WDR64: variants seen among roughly 807,000 people sequenced by gnomAD.
The protein encoded by WDR64 is WD repeat domain 64.
Under a neutral mutation model 139.3 loss-of-function variants are expected in WDR64, and 112 were observed. The ratio of observed to expected loss-of-function variants is 0.80; its 90% confidence interval spans 0.69 to 0.94. WDR64 has a LOEUF of 0.94. Ranked by LOEUF, WDR64 falls within the 40% of genes least tolerant of loss-of-function variation. The probability of loss-of-function intolerance (pLI) is 0.00; values close to 1 mark genes in which losing one functional copy is unlikely to be tolerated. For synonymous variants in WDR64, 444 were observed against 437.7 expected, an observed-to-expected ratio of 1.01 and a Z score of -0.18; for missense variants, 1,206 against 1,293.1, an observed-to-expected ratio of 0.93 and a Z score of 1.03.
Position 241,748,915 on chromosome 1 carries a change from G to A in WDR64, c.1595-632G>A, listed in dbSNP as rs182961858. Among the ~76,000 whole-genome samples the A allele has an allele frequency of 6.4e-3, 967 of 151,070 alleles. 6 individuals carry two copies. The highest frequency in any genetic ancestry group is 9.6e-3 in the Non-Finnish European group (648 of 67,776). The stretch of plus-strand genomic sequence containing the variant: ...AGATCGCCACTGCACTCCAGCCTGG[G>A]TGACAGAGTGAGACTCTTGTCTTAA... On this transcript the variant is annotated intron_variant, in intron 13 of 27. Coordinates refer to ENST00000437684, the MANE Select transcript of WDR64 (RefSeq NM_001367482.1).
At chr1:241,681,526 A>T (rs150728856) in intron 6 of WDR64, among the ~76,000 whole-genome samples, 1 of 152,108 alleles carries the variant, frequency 6.6e-6, no homozygotes, top group East Asian at 1.9e-4. Context: ...TCATTGATTG[A>T]TGGGCATTTG....
chr1:241,697,087 A>C (rs1384005542), intron 8 of WDR64, among the ~76,000 whole-genome samples: 8 of 152,066 alleles, frequency 5.3e-5, no homozygotes, highest in Non-Finnish European at 8.8e-5. Context: ...CTTACACCCT[A>C]TCTGCTCACT....
At position 241,660,647 on chromosome 1, in the gene WDR64, C is replaced by A. The variant is rs1479254698; in HGVS notation, c.263C>A (p.Ala88Glu). The A allele has an allele frequency of 2.1e-5, 33 of 1,551,300 alleles. No homozygotes were observed. The highest frequency in any genetic ancestry group is 2.8e-5 in the Non-Finnish European group (32 of 1,146,758). ...CTGTGCAACAACACGGATGCATCTG[C>A]AGACTGGTGTGAGGTAGACTCATTT... ...RKLCNNTDAS[A>E]DWCEIFGYFS... The change falls in exon 2 of 28, where the codon GCA (alanine) becomes GAA (glutamate). Residue 88 changes from alanine to glutamate, a missense_variant. Transcript: ENST00000437684.
intron 6 of WDR64, among the ~76,000 whole-genome samples, chr1:241,680,585 T>A (rs1243283240): frequency 6.6e-6 from 1 of 152,162 alleles, no homozygotes; most frequent in Non-Finnish European, 1.5e-5. Context: ...TCACTCTCCG[T>A]CAACTCTTCT....
intron 24 of WDR64, among the ~76,000 whole-genome samples, chr1:241,789,958 G>A (rs1659164679): frequency 6.6e-6 from 1 of 152,120 alleles, no homozygotes; most frequent in South Asian, 2.1e-4. Context: ...AAGCCTCCTT[G>A]AATCATATGG....
At chr1:241,691,805 G>A (rs1574012633) in intron 8 of WDR64, among the ~76,000 whole-genome samples, 1 of 152,134 alleles carries the variant, frequency 6.6e-6, no homozygotes, top group East Asian at 1.9e-4. Flanking sequence ...CCTGTGCTCA[G>A]GAGTTCAAGA....
At chr1:241,684,239 C>T (rs1245036154) in intron 7 of WDR64, among the ~76,000 whole-genome samples, 1 of 152,062 alleles carries the variant, frequency 6.6e-6, no homozygotes, top group East Asian at 1.9e-4. Flanking sequence ...ATATTTTTAA[C>T]AGGTCTTAGA....
At chr1:241,687,648 C>G in intron 8 of WDR64, 53 bp downstream of exon 8, 1 of 1,525,776 alleles carries the variant, frequency 6.6e-7, no homozygotes, top group Non-Finnish European at 8.9e-7. Flanking sequence ...AAGCTTTTTA[C>G]AATGATAAAA....
At chr1:241,789,376 G>A (rs996225417) in intron 24 of WDR64, among the ~76,000 whole-genome samples, 1 of 152,074 alleles carries the variant, frequency 6.6e-6, no homozygotes, top group African/African-American at 2.4e-5. Flanking sequence ...CTCATTACTT[G>A]GTATGTATCC....
intron 13 of WDR64, among the ~76,000 whole-genome samples, chr1:241,747,483 T>C (rs6429301): frequency 0.43 from 65,820 of 152,064 alleles, 15,133 homozygotes; most frequent in African/African-American, 0.59. Flanking sequence ...AAGTTCAAAA[T>C]AATGTAGAAA....
chr1:241,660,376 A>G (rs1006927019), intron 1 of WDR64, among the ~76,000 whole-genome samples, 154 bp from the exon 2 acceptor site: 3 of 152,176 alleles, frequency 2.0e-5, no homozygotes, highest in Non-Finnish European at 2.9e-5. Context: ...TTTGCTTAGG[A>G]TTGTGCAAAG....
chr1:241,749,529 T>C lies in WDR64; in HGVS notation c.1595-18T>C. ...TAAGTCATTTTTACCCACATAGTCT[T>C]TTTCTCTGTATGCTCAGGAACAGTC... On this transcript the variant is annotated intron_variant, in intron 13 of 27. Coordinates refer to ENST00000437684, the MANE Select transcript of WDR64 (RefSeq NM_001367482.1). 1 of 1,609,018 alleles carries C rather than the reference T, an allele frequency of 6.2e-7. No individual in the cohort carries two copies. Among genetic ancestry groups the C allele is most frequent in the Non-Finnish European group, 8.5e-7 (1 of 1,177,346 alleles).
chr1:241,801,025 T>C, intron 27 of WDR64, 107 bp from the exon 28 acceptor site: 2 of 818,228 alleles, frequency 2.4e-6, no homozygotes, highest in Non-Finnish European at 4.0e-6. Flanking sequence ...ATTTTTTTTC[T>C]AGGAGGATTA....
At chr1:241,744,778 T>C (rs765652395) in intron 13 of WDR64, among the ~76,000 whole-genome samples, 14 of 152,238 alleles carry the variant, frequency 9.2e-5, no homozygotes, top group Non-Finnish European at 1.8e-4. Flanking sequence ...CTTTTGCATA[T>C]GACATCTCAT....
intron 27 of WDR64, among the ~76,000 whole-genome samples, chr1:241,798,852 TAAAC>T (rs1318541348): frequency 6.6e-6 from 1 of 152,134 alleles, no homozygotes; most frequent in Non-Finnish European, 1.5e-5. Context: ...TCTTTAGAAT[TAAAC>T]AACACATTAT....
In WDR64 at chr1:241,751,872, G is replaced by A. The variant is rs78816743; in HGVS notation, c.1770+2150G>A. 7.7e-3 allele frequency among the ~76,000 whole-genome samples: 1,174 copies of A among 152,194 alleles called. 11 individuals carry two copies. Among genetic ancestry groups the A allele is most frequent in the African/African-American group, 0.027 (1,106 of 41,502 alleles). On this transcript the variant is annotated intron_variant, in intron 14 of 27. Transcript: ENST00000437684. Reference sequence around the variant, plus strand: ...TCTTCTCATAATCTCAGTTTTAAGGGGATAGAATTGCATTCTGCCTATATG... The same window carrying A: ...TCTTCTCATAATCTCAGTTTTAAGGAGATAGAATTGCATTCTGCCTATATG...
chr1:241,769,369 A>T, intron 16 of WDR64, 35 bp from the exon 17 acceptor site: 1 of 1,520,438 alleles, frequency 6.6e-7, no homozygotes, highest in Non-Finnish European at 8.9e-7. Flanking sequence ...ATAATTTGTG[A>T]ATTTTTTCTC....
At chr1:241,731,477 A>C (rs201608451) in intron 10 of WDR64, among the ~76,000 whole-genome samples, 23,949 of 152,234 alleles carry the variant, frequency 0.16, 2,214 homozygotes, top group East Asian at 0.28. Context: ...CTGTGTGATA[A>C]CTACAAGTGT....
In WDR64 at chr1:241,703,571, T is replaced by C. The variant is rs1175957910; in HGVS notation, c.975-8231T>C. 6.6e-6 allele frequency among the ~76,000 whole-genome samples: 1 copy of C among 151,914 alleles called. No individual in the cohort carries two copies. The highest frequency in any genetic ancestry group is 2.4e-5 in the African/African-American group (1 of 41,350). ...GTCAGAATGAACTTCCCAGAATCAATACATTTCTATTCTGTGTGACTCCGG... is the reference window on the plus strand; with the variant it reads ...GTCAGAATGAACTTCCCAGAATCAACACATTTCTATTCTGTGTGACTCCGG... On this transcript the variant is annotated intron_variant, in intron 8 of 27. Transcript: ENST00000437684. This position sits in a 1 kb window ranked among gnomAD's most constrained non-coding sequence, Gnocchi z 5.9.
Sources: gnomAD v4.1 joint callset for allele counts (sites outside exome capture counted in the v4.1 genomes callset) on GRCh38, gnomAD v4.1.1 for gene constraint, Gnocchi (gnomAD v3.1) non-coding constraint, MANE v1.5 for transcripts, NCBI Gene and HGNC (gene_info 2026-07-23, HGNC 2026-07-21) for gene names.